Variants in FNDC3A observed in about 807,000 individuals in gnomAD.
FNDC3A encodes the protein fibronectin type-III domain-containing protein 3A.
A neutral mutation model predicts 148.9 loss-of-function variants in FNDC3A; 32 were observed. That is an observed-to-expected ratio of 0.21 (90% CI 0.16 to 0.29). The LOEUF (loss-of-function observed/expected upper bound fraction) is 0.29. Among genes scored for constraint, FNDC3A ranks in the 10% least tolerant of loss-of-function variants. The pLI is 1.00. For missense variants in FNDC3A, 1,191 were observed against 1,452.8 expected (o/e 0.82, Z 2.93); for synonymous variants, 472 against 473.6 (o/e 1.00, Z 0.04).
intron 2 of FNDC3A, among the ~76,000 whole-genome samples, chr13:49,011,541 G>C (rs1190468968): frequency 6.6e-6 from 1 of 152,056 alleles, no homozygotes; most frequent in African/African-American, 2.4e-5. Flanking sequence ...GGCATCTTTG[G>C]TATCTTTTGA....
At chr13:49,125,277 A>T (rs182973848) in intron 4 of FNDC3A, among the ~76,000 whole-genome samples, 208 of 152,278 alleles carry the variant, frequency 1.4e-3, no homozygotes, top group African/African-American at 4.8e-3. Flanking sequence ...GAGTGTGAGA[A>T]ACTATAAGAT....
In FNDC3A at chr13:49,019,093, C is replaced by T. The variant is rs9591232; in HGVS notation, c.99+12804C>T. Reference sequence around the variant, plus strand: ...CTGCCCCCAGAGGTGGAGCCTACAGCGGCAGGCAGGCCTCCTGGAGCTGTG... The same window carrying T: ...CTGCCCCCAGAGGTGGAGCCTACAGTGGCAGGCAGGCCTCCTGGAGCTGTG... On this transcript the variant is annotated intron_variant, in intron 2 of 25. Transcript: ENST00000492622. Among the ~76,000 whole-genome samples the T allele has an allele frequency of 3.0e-3, 461 of 152,358 alleles. 4 individuals carry two copies. The highest frequency in any genetic ancestry group is 0.01 in the African/African-American group (432 of 41,586).
chr13:49,192,478 G>T (rs1885935060), intron 19 of FNDC3A, among the ~76,000 whole-genome samples: 1 of 151,992 alleles, frequency 6.6e-6, no homozygotes, highest in African/African-American at 2.4e-5. Flanking sequence ...CATATTTTTA[G>T]TAGAGAGAGG....
intron 2 of FNDC3A, among the ~76,000 whole-genome samples, chr13:49,037,476 G>A (rs1874577215): frequency 6.6e-6 from 1 of 152,172 alleles, no homozygotes; most frequent in South Asian, 2.1e-4. Flanking sequence ...GGAGCAGTTG[G>A]ATAAGGAGGA....
At chr13:49,163,181 G>T (rs1222115680) in intron 8 of FNDC3A, among the ~76,000 whole-genome samples, 1 of 152,186 alleles carries the variant, frequency 6.6e-6, no homozygotes, top group African/African-American at 2.4e-5. Context: ...AGACAGGAAC[G>T]TTGAAGTCTG....
chr13:49,195,757 G>C (rs1167877312), intron 19 of FNDC3A, among the ~76,000 whole-genome samples: 1 of 152,052 alleles, frequency 6.6e-6, no homozygotes, highest in Non-Finnish European at 1.5e-5. Context: ...GAGAAGTTGA[G>C]TTTCTTAGAG....
chr13:49,028,442 G>C (rs1873880432), intron 2 of FNDC3A, among the ~76,000 whole-genome samples: 1 of 151,958 alleles, frequency 6.6e-6, no homozygotes, highest in Non-Finnish European at 1.5e-5. Flanking sequence ...AATCTCGCTT[G>C]TTGCCCAGGC....
chr13:49,095,143 A>C (rs1879441241), intron 3 of FNDC3A, among the ~76,000 whole-genome samples: 1 of 151,986 alleles, frequency 6.6e-6, no homozygotes, highest in Non-Finnish European at 1.5e-5. Flanking sequence ...AAATGTATAT[A>C]TATTTTTTTA....
intron 2 of FNDC3A, among the ~76,000 whole-genome samples, chr13:49,019,277 G>T (rs1367408687): frequency 6.6e-6 from 1 of 152,268 alleles, no homozygotes; most frequent in Non-Finnish European, 1.5e-5. Flanking sequence ...AGGACCCTCT[G>T]AGCTAGGTGC....
At chr13:49,149,903 T>C (rs2137978918) in intron 8 of FNDC3A, among the ~76,000 whole-genome samples, 1 of 152,346 alleles carries the variant, frequency 6.6e-6, no homozygotes, top group East Asian at 1.9e-4. Context: ...TTCTCGCTGA[T>C]TGAATCTTGG....
chr13:49,135,693 A>T (rs1403227090), intron 5 of FNDC3A, among the ~76,000 whole-genome samples: 2 of 152,214 alleles, frequency 1.3e-5, no homozygotes, highest in East Asian at 3.8e-4. Flanking sequence ...AACTCTGGGG[A>T]CAATTGAATT....
intron 5 of FNDC3A, among the ~76,000 whole-genome samples, chr13:49,132,642 G>T (rs1323705166): frequency 6.6e-6 from 1 of 152,152 alleles, no homozygotes; most frequent in Non-Finnish European, 1.5e-5. Flanking sequence ...GCAATGTTCT[G>T]CCCTGTGGCC....
chr13:48,998,124 A>G (rs986028730), intron 1 of FNDC3A, among the ~76,000 whole-genome samples: 2 of 152,182 alleles, frequency 1.3e-5, no homozygotes, highest in South Asian at 2.1e-4. Context: ...AGAAAAGGCA[A>G]TCCTTGTAAT....
At chr13:49,060,381 T>G (rs1876580980) in intron 2 of FNDC3A, among the ~76,000 whole-genome samples, 1 of 152,158 alleles carries the variant, frequency 6.6e-6, no homozygotes, top group Non-Finnish European at 1.5e-5. Context: ...TGGTGGCTCA[T>G]GCCTGTAATC....
At position 49,208,032 on chromosome 13, in the gene FNDC3A, A is replaced by T. The variant is rs1304334070; in HGVS notation, c.*637A>T. On this transcript the variant is annotated 3_prime_UTR_variant, in exon 26 of 26. Transcript: ENST00000492622. ...TGAATTCACAGATAAGTACTTAAAG[A>T]ACAGACAGTTTACTTGGCCTAAAAA... 3.9e-5 allele frequency: 6 copies of T among 152,544 alleles called. No homozygotes were observed. The allele number at this position is 152,544 out of a possible 1,614,324, so 9.4% of individuals were successfully genotyped here.
chr13:49,069,722 C>T (rs900821737), intron 2 of FNDC3A, among the ~76,000 whole-genome samples: 3 of 152,190 alleles, frequency 2.0e-5, no homozygotes, highest in African/African-American at 4.8e-5. Context: ...TATTATAGCA[C>T]TTCTCTCACC....
chr13:49,145,060 C>CT (rs1882916571), intron 7 of FNDC3A, among the ~76,000 whole-genome samples: 1 of 151,980 alleles, frequency 6.6e-6, no homozygotes, highest in Admixed American at 6.6e-5. Flanking sequence ...AATGAACATT[C>CT]TTAAGTGTGT....
chr13:49,174,657 C>A (rs1884934548), intron 12 of FNDC3A, 98 bp downstream of exon 12: 1 of 1,132,444 alleles, frequency 8.8e-7, no homozygotes, highest in Admixed American at 2.6e-5. Flanking sequence ...ATTAAAAATT[C>A]TGCTTAGTTT....
chr13:49,157,556 G>A (rs1179911309), intron 8 of FNDC3A, among the ~76,000 whole-genome samples: 1 of 150,688 alleles, frequency 6.6e-6, no homozygotes, highest in African/African-American at 2.4e-5. Flanking sequence ...TTGTTCCGTT[G>A]CTGGTGAGGA....
Sources: gnomAD v4.1 joint callset for allele counts (sites outside exome capture counted in the v4.1 genomes callset) on GRCh38, gnomAD v4.1.1 for gene constraint, MANE v1.5 for transcripts, NCBI Gene and HGNC (gene_info 2026-07-23, HGNC 2026-07-21) for gene names.